Variants in EXOC6 observed in about 807,000 individuals in gnomAD.
EXOC6 encodes SEC15-like 1.
A neutral mutation model predicts 112.5 loss-of-function variants in EXOC6; 60 were observed. That is an observed-to-expected ratio of 0.53 (90% confidence interval 0.43 to 0.66). The LOEUF is 0.66. EXOC6 is among the 30% of genes least tolerant of loss of function. EXOC6 has a pLI of 0.00. For missense variants in EXOC6, 855 were observed against 957.1 expected, an observed-to-expected ratio of 0.89 and a Z score of 1.41; for synonymous variants, 295 against 308.0, an observed-to-expected ratio of 0.96 and a Z score of 0.44.
intron 17 of EXOC6, among the ~76,000 whole-genome samples, chr10:92,966,044 G>GT (rs1430315876): frequency 1.3e-5 from 2 of 152,050 alleles, no homozygotes; most frequent in South Asian, 2.1e-4. Context: ...TTCCCCGAAA[G>GT]TTTTTTAACA....
chr10:92,971,046 T>C (rs1213193918), intron 17 of EXOC6, among the ~76,000 whole-genome samples: 1 of 152,176 alleles, frequency 6.6e-6, no homozygotes, highest in Non-Finnish European at 1.5e-5. Flanking sequence ...TGAACTTCTT[T>C]AGTGATTTTT....
chr10:92,964,841 G>A (rs576894195), intron 17 of EXOC6, among the ~76,000 whole-genome samples: 1 of 152,086 alleles, frequency 6.6e-6, no homozygotes, highest in Non-Finnish European at 1.5e-5. Flanking sequence ...TGGCCTCATC[G>A]TCAGACTACT....
At chr10:92,917,365 A>G (rs1321329629) in intron 7 of EXOC6, among the ~76,000 whole-genome samples, 1 of 151,810 alleles carries the variant, frequency 6.6e-6, no homozygotes, top group Non-Finnish European at 1.5e-5. Context: ...TAGTCTACCT[A>G]TTTAAAAAAT....
At chr10:92,921,659 T>C (rs1339675173) in intron 8 of EXOC6, among the ~76,000 whole-genome samples, 1 of 151,314 alleles carries the variant, frequency 6.6e-6, no homozygotes, top group Non-Finnish European at 1.5e-5. Context: ...TCTTTTTTTT[T>C]TTTTTTGAGA....
intron 17 of EXOC6, among the ~76,000 whole-genome samples, chr10:92,973,401 G>GAAT (rs1842373913): frequency 6.6e-6 from 1 of 152,162 alleles, no homozygotes; most frequent in African/African-American, 2.4e-5. Context: ...TGTTTTTCTT[G>GAAT]AATAAATGAT....
chr10:93,056,487 G>A (rs901506678), intron 20 of EXOC6, among the ~76,000 whole-genome samples: 6 of 152,074 alleles, frequency 3.9e-5, no homozygotes, highest in East Asian at 1.9e-4. Context: ...TGCAAACAGC[G>A]TCCTTGAAAG....
Position 92,935,865 on chromosome 10 carries a change from A to G in EXOC6, c.1192A>G (p.Ile398Val), listed in dbSNP as rs1326986947. Residue 398 changes from isoleucine to valine, a missense_variant, in exon 12 of 22, where the codon ATA becomes GTA. Physicochemically the swap from Ile to Val is conservative, Grantham distance 29. Coordinates refer to ENST00000260762, the MANE Select transcript of EXOC6 (RefSeq NM_019053.6). ...LVLELKNLTV[I>V]FADTLQGYGF... ...TCTGGAGCTGAAGAATCTTACTGTA[A>G]TATTTGCAGATACTTTACAGGTGGG... The G allele has an allele frequency of 1.9e-6, 3 of 1,603,588 alleles. No individual in the cohort carries two copies. The Admixed American group carries it at 5.0e-5, about 27-fold the overall frequency.
chr10:93,006,601 G>C (rs982957369), intron 19 of EXOC6, among the ~76,000 whole-genome samples: 8 of 152,134 alleles, frequency 5.3e-5, no homozygotes, highest in African/African-American at 2.4e-5. Flanking sequence ...TAACTCTCCT[G>C]ATTCCCAGGC....
At chr10:93,003,928 AATCTTCAAATAATC>A in intron 19 of EXOC6, among the ~76,000 whole-genome samples, 1 of 152,300 alleles carries the variant, frequency 6.6e-6, no homozygotes, top group South Asian at 2.1e-4. Flanking sequence ...ATGTTTAGGG[AATCTTCAAATAATC>A]ATATGTGGAT....
intron 1 of EXOC6, among the ~76,000 whole-genome samples, chr10:92,858,769 T>C (rs1448771064): frequency 1.3e-5 from 2 of 152,194 alleles, no homozygotes; most frequent in Non-Finnish European, 2.9e-5. Flanking sequence ...CCTATTTCTT[T>C]CTTTCGTTTT....
At chr10:92,842,360 GAAAAAAA>G (rs34778339) in intron 1 of EXOC6, among the ~76,000 whole-genome samples, 1 of 107,138 alleles carries the variant, frequency 9.3e-6, no homozygotes, top group Non-Finnish European at 1.8e-5. Context: ...CTCTGTCTCA[GAAAAAAA>G]AAAAAAAAAA....
chr10:93,037,987 C>G (rs944553131), intron 20 of EXOC6, among the ~76,000 whole-genome samples: 1 of 146,702 alleles, frequency 6.8e-6, no homozygotes, highest in Non-Finnish European at 1.5e-5. Context: ...TTGCAGTGAG[C>G]CGAGATCGCG....
intron 1 of EXOC6, among the ~76,000 whole-genome samples, chr10:92,836,325 T>C (rs1166795210): frequency 2.0e-5 from 3 of 152,210 alleles, no homozygotes; most frequent in Non-Finnish European, 4.4e-5. Flanking sequence ...TGGATCTTTT[T>C]TACCTTCTCT....
chr10:93,037,299 C>G (rs1042909679), intron 20 of EXOC6, among the ~76,000 whole-genome samples: 25 of 151,888 alleles, frequency 1.6e-4, no homozygotes, highest in Admixed American at 1.6e-3. Flanking sequence ...GCCACCACAC[C>G]CAGCTGATTT....
At chr10:93,035,394 A>C (rs372754193) in intron 20 of EXOC6, among the ~76,000 whole-genome samples, 6 of 152,264 alleles carry the variant, frequency 3.9e-5, no homozygotes, top group African/African-American at 1.4e-4. Context: ...AAAACCAAAA[A>C]CAAACACTGT....
intron 18 of EXOC6, among the ~76,000 whole-genome samples, chr10:92,986,860 A>G (rs1843030948): frequency 6.6e-6 from 1 of 152,160 alleles, no homozygotes; most frequent in Admixed American, 6.5e-5. Flanking sequence ...CCTTATAATT[A>G]GTACAGAACT....
chr10:92,916,030 T>A, intron 7 of EXOC6, 117 bp downstream of exon 7: 1 of 757,850 alleles, frequency 1.3e-6, no homozygotes, highest in Non-Finnish European at 2.0e-6. Context: ...GTTGTAAAAG[T>A]TGTCAGAGTC....
intron 1 of EXOC6, among the ~76,000 whole-genome samples, chr10:92,849,343 T>A: frequency 6.6e-6 from 1 of 152,198 alleles, no homozygotes; most frequent in East Asian, 1.9e-4. Flanking sequence ...TTCATTAAAA[T>A]TGCATTAATT....
intron 15 of EXOC6, among the ~76,000 whole-genome samples, chr10:92,954,401 A>G (rs1361595042): frequency 6.6e-6 from 1 of 152,196 alleles, no homozygotes; most frequent in Non-Finnish European, 1.5e-5. Flanking sequence ...TGTTAATTGG[A>G]TAAATTTAAA....
Sources: allele counts gnomAD v4.1 joint callset (sites outside exome capture counted in the v4.1 genomes callset), GRCh38; gene constraint gnomAD v4.1.1; transcripts MANE v1.5; gene names NCBI Gene and HGNC (gene_info 2026-07-23, HGNC 2026-07-21).